Variants in DHRSX observed in about 807,000 individuals in gnomAD.
DHRSX encodes polyprenol dehydrogenase.
Under a neutral mutation model 34.0 loss-of-function variants are expected in DHRSX, and 31 were observed. The observed-to-expected ratio is 0.91, with a 90% CI of 0.69 to 1.23. The LOEUF is 1.23. Among genes scored for constraint, DHRSX ranks in the 50% most tolerant of loss-of-function variants. DHRSX has a pLI of 0.00. For missense variants in DHRSX, 414 were observed against 428.1 expected, an observed-to-expected ratio of 0.97 and a Z score of 0.29; for synonymous variants, 201 against 183.8, an observed-to-expected ratio of 1.09 and a Z score of -0.76.
chrX:2,287,080 C>T (rs978857076), intron 4 of DHRSX, among the ~76,000 whole-genome samples: 1 of 152,122 alleles, frequency 6.6e-6, no homozygotes, highest in African/African-American at 2.4e-5. Flanking sequence ...TGTTTGTTTC[C>T]GTTGCTAAAG....
At chrX:2,423,362 G>A (rs60426015) in intron 2 of DHRSX, among the ~76,000 whole-genome samples, 9,938 of 152,012 alleles carry the variant, frequency 0.065, 479 homozygotes, top group East Asian at 0.16. Flanking sequence ...GCCGTGAGCC[G>A]AGGTCGTGTC....
At chrX:2,490,647 C>G in intron 1 of DHRSX, 1 of 1,613,950 alleles carries the variant, frequency 6.2e-7, no homozygotes, top group Non-Finnish European at 8.5e-7. Flanking sequence ...TACTTCCACA[C>G]CTTGCTCTTG....
At position 2,391,678 on chromosome X, in the gene DHRSX, C is replaced by T. The variant is rs140791451; in HGVS notation, c.286+17067G>A. The stretch of plus-strand genomic sequence containing the variant: ...TTCAAGAGGACTCCTGTAATCCCAG[C>T]ACTTTGGGAGGCCGAGGTGGGCAGA... On this transcript the variant is annotated intron_variant, in intron 3 of 6. Coordinates refer to ENST00000334651, the MANE Select transcript of DHRSX (RefSeq NM_145177.3). Among the ~76,000 whole-genome samples, 354 of 152,292 alleles carry T rather than the reference C, an allele frequency of 2.3e-3. 1 individual carries two copies. The highest frequency in any genetic ancestry group is 8.1e-3 in the African/African-American group (335 of 41,562).
intron 3 of DHRSX, among the ~76,000 whole-genome samples, chrX:2,326,769 A>G (rs1025388578): frequency 1.3e-5 from 2 of 151,740 alleles, no homozygotes; most frequent in African/African-American, 4.8e-5. Flanking sequence ...AGCGCAGTCA[A>G]AGTGAACTGG....
In DHRSX at chrX:2,266,728, G is replaced by A. The variant is rs1194984028; in HGVS notation, c.596+12C>T. 1.9e-6 allele frequency: 3 copies of A among 1,613,314 alleles called. No homozygotes were observed. The highest frequency in any genetic ancestry group is 2.2e-5 in the East Asian group (1 of 44,900). Reference sequence around the variant, plus strand: ...TGAGATGCTGTTATGATTATTCACAGGGTGCACCTACCTGCTCTGAAGGTC... The same window carrying A: ...TGAGATGCTGTTATGATTATTCACAAGGTGCACCTACCTGCTCTGAAGGTC... On this transcript the variant is annotated intron_variant, in intron 5 of 6. Coordinates refer to ENST00000334651, the MANE Select transcript of DHRSX (RefSeq NM_145177.3).
At chrX:2,458,244 A>G (rs1391884846) in intron 1 of DHRSX, among the ~76,000 whole-genome samples, 1 of 151,944 alleles carries the variant, frequency 6.6e-6, no homozygotes, top group Admixed American at 6.6e-5. Context: ...ACCTTGTACA[A>G]AGTGAAGACG....
intron 5 of DHRSX, among the ~76,000 whole-genome samples, chrX:2,260,077 C>T (rs1301591435): frequency 2.0e-5 from 3 of 149,506 alleles, no homozygotes; most frequent in Non-Finnish European, 3.0e-5. Context: ...CTGGGGGCTC[C>T]GGGCATCCCT....
At chrX:2,268,091 C>T (rs1387193340) in intron 4 of DHRSX, among the ~76,000 whole-genome samples, 6 of 152,134 alleles carry the variant, frequency 3.9e-5, no homozygotes, top group African/African-American at 2.4e-5. Context: ...GCAGCCCTGT[C>T]GGTCATCATT....
intron 1 of DHRSX, among the ~76,000 whole-genome samples, chrX:2,458,274 T>C (rs1359970246): frequency 6.6e-6 from 1 of 152,094 alleles, no homozygotes; most frequent in East Asian, 1.9e-4. Context: ...GTCCAGCCAT[T>C]GGCCTGCAAA....
In DHRSX at chrX:2,336,864, T is replaced by G. The variant is rs866023978; in HGVS notation, c.287-45261A>C. Reference sequence around the variant, plus strand: ...ATAGATAGATATAGATAGATAGATTTATTTTACTTTAAGTTGCAAGATACA... The same window carrying G: ...ATAGATAGATATAGATAGATAGATTGATTTTACTTTAAGTTGCAAGATACA... On this transcript the variant is annotated intron_variant, in intron 3 of 6. Transcript: ENST00000334651. 2.1e-4 allele frequency among the ~76,000 whole-genome samples: 30 copies of G among 146,092 alleles called. No homozygotes were observed. In the South Asian group the frequency reaches 5.5e-3, roughly 27 times the overall value.
intron 1 of DHRSX, chrX:2,489,440 T>C: frequency 6.2e-7 from 1 of 1,613,880 alleles, no homozygotes; most frequent in Non-Finnish European, 8.5e-7. Flanking sequence ...CAGGAGCATG[T>C]GCAGCAGCGG....
At chrX:2,276,894 A>G (rs2041669593) in intron 4 of DHRSX, among the ~76,000 whole-genome samples, 1 of 18,176 alleles carries the variant, frequency 5.5e-5, no homozygotes, top group Admixed American at 3.7e-4. Flanking sequence ...AATAGGGGAA[A>G]GAGAGAAAGA....
rs1313570013 is a variant in DHRSX at position 2,500,975 on chromosome X, G to GCGCC, written c.-51_-50insGGCG. On this transcript the variant is annotated 5_prime_UTR_variant, in exon 1 of 7. Transcript: ENST00000334651. ...GCTTCCGCGCCGCCCGCGGGACTCT[G>GCGCC]CGCCCGCCCGCCCGGACGGACGGCG... is the stretch of plus-strand genomic sequence containing the variant. 2.8e-5 allele frequency: 27 copies of GCGCC among 949,414 alleles called. No homozygotes were observed. The highest frequency in any genetic ancestry group is 6.0e-5 in the Admixed American group (1 of 16,790). The allele number at this position is 949,414 out of a possible 1,614,324, so 58.8% of individuals were successfully genotyped here.
At chrX:2,321,718 C>A (rs2042314049) in intron 3 of DHRSX, among the ~76,000 whole-genome samples, 1 of 151,980 alleles carries the variant, frequency 6.6e-6, no homozygotes, top group African/African-American at 2.4e-5. Context: ...ATTTATGCCA[C>A]CCCATCTATG....
At chrX:2,449,670 G>T (rs780826928) in intron 1 of DHRSX, among the ~76,000 whole-genome samples, 25 of 152,022 alleles carry the variant, frequency 1.6e-4, no homozygotes, top group Non-Finnish European at 3.1e-4. Context: ...TAATTTTTAT[G>T]TTTGTATTTT....
intron 3 of DHRSX, among the ~76,000 whole-genome samples, chrX:2,378,855 A>C (rs1483452977): frequency 6.6e-6 from 1 of 152,024 alleles, no homozygotes; most frequent in East Asian, 1.9e-4. Context: ...TATTTTTAGT[A>C]CAGACGGGGT....
chrX:2,371,565 CT>C (rs2043069493), intron 3 of DHRSX, among the ~76,000 whole-genome samples: 2 of 150,884 alleles, frequency 1.3e-5, no homozygotes, highest in South Asian at 2.1e-4. Context: ...ATAGTCCCTC[CT>C]TCCATTACCA....
chrX:2,425,517 G>A (rs753015496), intron 1 of DHRSX, among the ~76,000 whole-genome samples: 14 of 152,212 alleles, frequency 9.2e-5, no homozygotes, highest in African/African-American at 3.4e-4. Context: ...AAAACCACCT[G>A]ATAAATCCCC....
intron 6 of DHRSX, among the ~76,000 whole-genome samples, chrX:2,237,824 C>A (rs2016051850): frequency 6.6e-6 from 1 of 151,950 alleles, no homozygotes; most frequent in African/African-American, 2.4e-5. Context: ...TTTTGTAACA[C>A]CCATTGATCT....
Sources: allele counts gnomAD v4.1 joint callset (sites outside exome capture counted in the v4.1 genomes callset), GRCh38; gene constraint gnomAD v4.1.1; transcripts MANE v1.5; gene names NCBI Gene and HGNC (gene_info 2026-07-23, HGNC 2026-07-21).